Variants in PPP3CA observed in about 807,000 individuals in gnomAD.
PPP3CA encodes the protein CAM-PRP catalytic subunit.
A neutral mutation model predicts 66.5 loss-of-function variants in PPP3CA; 14 were observed. The ratio of observed to expected loss-of-function variants is 0.21; its 90% CI spans 0.14 to 0.33. PPP3CA has a LOEUF of 0.33. PPP3CA is among the 10% of genes least tolerant of loss of function. PPP3CA has a pLI of 1.00. For synonymous variants in PPP3CA, 232 were observed against 226.2 expected (o/e 1.03, Z -0.23); for missense variants, 317 against 639.5 (o/e 0.50, Z 5.44).
At chr4:101,095,747 G>C (rs1451195792) in intron 5 of PPP3CA, among the ~76,000 whole-genome samples, 1 of 152,128 alleles carries the variant, frequency 6.6e-6, no homozygotes, top group Non-Finnish European at 1.5e-5. Flanking sequence ...CACCTCCCAG[G>C]TTCAAGAAAT....
intron 4 of PPP3CA, among the ~76,000 whole-genome samples, chr4:101,099,340 T>C (rs1163132920): frequency 6.6e-6 from 1 of 152,130 alleles, no homozygotes; most frequent in Non-Finnish European, 1.5e-5. Flanking sequence ...TTCCAAACAG[T>C]AGCATCCCTA....
At chr4:101,074,407 A>G (rs1459687681) in intron 8 of PPP3CA, among the ~76,000 whole-genome samples, 1 of 152,138 alleles carries the variant, frequency 6.6e-6, no homozygotes, top group African/African-American at 2.4e-5. Context: ...ACAACCTCCT[A>G]GTGGAAAAAA....
chr4:101,239,651 T>C (rs771191155), intron 1 of PPP3CA, among the ~76,000 whole-genome samples: 12 of 152,076 alleles, frequency 7.9e-5, no homozygotes, highest in Non-Finnish European at 1.3e-4. Flanking sequence ...ATCATTTTAA[T>C]GGTTTACCTC....
At chr4:101,342,488 T>G (rs1182115288) in intron 1 of PPP3CA, among the ~76,000 whole-genome samples, 1 of 152,174 alleles carries the variant, frequency 6.6e-6, no homozygotes, top group African/African-American at 2.4e-5. Flanking sequence ...ATTTGCATAC[T>G]GTTCACTAAG....
At chr4:101,311,996 A>G (rs750494081) in intron 1 of PPP3CA, among the ~76,000 whole-genome samples, 2 of 152,200 alleles carry the variant, frequency 1.3e-5, no homozygotes, top group Non-Finnish European at 2.9e-5. Flanking sequence ...ACTATGTATC[A>G]TTTAAAAACT....
chr4:101,212,027 C>CA (rs1175254083), intron 1 of PPP3CA, among the ~76,000 whole-genome samples: 8 of 152,142 alleles, frequency 5.3e-5, no homozygotes, highest in African/African-American at 1.9e-4. Context: ...ACCACACTTG[C>CA]AAAAGTGCTT....
At chr4:101,038,463 G>A (rs1727358315) in intron 11 of PPP3CA, among the ~76,000 whole-genome samples, 2 of 151,316 alleles carry the variant, frequency 1.3e-5, no homozygotes, top group South Asian at 4.2e-4. Context: ...TCCGCCTCCT[G>A]GGTTTGAGAG....
chr4:101,249,746 C>T lies in PPP3CA; in HGVS notation c.59-53630G>A, dbSNP rs186956142. Reference sequence around the variant, plus strand: ...CTTAATATAGGACAGAAACCAACAACATTATATTATCAATCTCAGTTTAGC... The same window carrying T: ...CTTAATATAGGACAGAAACCAACAATATTATATTATCAATCTCAGTTTAGC... On this transcript the variant is annotated intron_variant, in intron 1 of 13. Coordinates refer to ENST00000394854, the MANE Select transcript of PPP3CA (RefSeq NM_000944.5). Among the ~76,000 whole-genome samples, 206 of 152,188 alleles carry T rather than the reference C, an allele frequency of 1.4e-3. 1 individual carries two copies. Among genetic ancestry groups the T allele is most frequent in the African/African-American group, 4.7e-3 (196 of 41,526 alleles).
At chr4:101,073,267 C>T (rs1349461653) in intron 8 of PPP3CA, among the ~76,000 whole-genome samples, 1 of 149,698 alleles carries the variant, frequency 6.7e-6, no homozygotes, top group Non-Finnish European at 1.5e-5. Flanking sequence ...AGTGTATATA[C>T]ACACTTACAT....
intron 1 of PPP3CA, among the ~76,000 whole-genome samples, chr4:101,226,864 AAC>A (rs1725799432): frequency 1.3e-5 from 2 of 151,746 alleles, no homozygotes; most frequent in African/African-American, 4.8e-5. Context: ...GATATCATGA[AAC>A]ACTATCACTT....
chr4:101,290,927 T>C (rs1728003458), intron 1 of PPP3CA, among the ~76,000 whole-genome samples: 1 of 152,134 alleles, frequency 6.6e-6, no homozygotes, highest in Admixed American at 6.5e-5. Context: ...GCAAGAGACA[T>C]TGGAGCTAGC....
chr4:101,158,663 A>G (rs374362219), intron 2 of PPP3CA, among the ~76,000 whole-genome samples: 19 of 152,314 alleles, frequency 1.2e-4, no homozygotes, highest in African/African-American at 3.1e-4. Flanking sequence ...GTGATTGCCT[A>G]TCACTGGTGC....
At chr4:101,088,478 G>A (rs1441815122) in intron 6 of PPP3CA, among the ~76,000 whole-genome samples, 7 of 151,238 alleles carry the variant, frequency 4.6e-5, no homozygotes, top group African/African-American at 1.7e-4. Context: ...CTAGCTACTC[G>A]GGAAGCTGAG....
At chr4:101,263,300 T>G (rs115261741) in intron 1 of PPP3CA, among the ~76,000 whole-genome samples, 2 of 152,178 alleles carry the variant, frequency 1.3e-5, no homozygotes, top group Non-Finnish European at 2.9e-5. Flanking sequence ...CTGAAGAGTT[T>G]ACACAAAAAA....
intron 1 of PPP3CA, among the ~76,000 whole-genome samples, chr4:101,311,448 C>T (rs1434282308): frequency 2.0e-5 from 3 of 152,160 alleles, no homozygotes; most frequent in African/African-American, 4.8e-5. Context: ...CTAAGCCATG[C>T]TGCCTCTCTA....
At chr4:101,332,557 G>C (rs1729422955) in intron 1 of PPP3CA, among the ~76,000 whole-genome samples, 1 of 152,116 alleles carries the variant, frequency 6.6e-6, no homozygotes. Context: ...AGGAGGTGAG[G>C]AAGTGTATTA....
intron 2 of PPP3CA, among the ~76,000 whole-genome samples, chr4:101,144,270 C>T (rs1722897006): frequency 6.6e-6 from 1 of 152,172 alleles, no homozygotes. Flanking sequence ...ACTAAATACC[C>T]TTTGGAATAT....
chr4:101,156,704 C>T (rs538735626), intron 2 of PPP3CA, among the ~76,000 whole-genome samples: 18 of 151,956 alleles, frequency 1.2e-4, no homozygotes, highest in Non-Finnish European at 2.1e-4. Context: ...AAAGAGAAAG[C>T]CATACTCCAG....
chr4:101,185,242 T>C (rs1724375382), intron 2 of PPP3CA, among the ~76,000 whole-genome samples: 1 of 151,896 alleles, frequency 6.6e-6, no homozygotes. Context: ...ATACAATAAA[T>C]ACTATTTGAT....
Sources: allele counts gnomAD v4.1 joint callset (sites outside exome capture counted in the v4.1 genomes callset), GRCh38; gene constraint gnomAD v4.1.1; transcripts MANE v1.5; gene names NCBI Gene and HGNC (gene_info 2026-07-23, HGNC 2026-07-21).